Variants in MSRA observed in about 807,000 individuals in gnomAD.
MSRA encodes methionine sulfoxide reductase A, also known as mitochondrial peptide methionine sulfoxide reductase.
MSRA carries 54 observed loss-of-function variants against 31.3 expected under a neutral mutation model. The ratio of observed to expected loss-of-function variants is 1.73; its 90% CI spans 1.39 to 2.17. MSRA has a LOEUF of 2.17. MSRA is among the 30% of genes most tolerant of loss of function. The probability of loss-of-function intolerance (pLI) is 0.00; values close to 1 mark genes in which losing one functional copy is unlikely to be tolerated. For missense variants in MSRA, 507 were observed against 300.9 expected (o/e 1.69, Z -5.07); for synonymous variants, 169 against 116.5 (o/e 1.45, Z -2.90).
At chr8:10,319,746 T>C (rs1801934757) in intron 4 of MSRA, 137 bp from the exon 5 acceptor site, 1 of 441,364 alleles carries the variant, frequency 2.3e-6, no homozygotes, top group Admixed American at 4.4e-5. Context: ...AAACAGAAAA[T>C]TAAAACAAGC....
At chr8:10,114,719 C>G (rs1054715720) in intron 1 of MSRA, among the ~76,000 whole-genome samples, 2 of 151,800 alleles carry the variant, frequency 1.3e-5, no homozygotes, top group Admixed American at 6.6e-5. Flanking sequence ...ATTTGCAGGA[C>G]CAAGGAAAGC....
intron 1 of MSRA, among the ~76,000 whole-genome samples, chr8:10,173,164 A>G (rs1313978671): frequency 1.3e-5 from 2 of 152,222 alleles, no homozygotes; most frequent in African/African-American, 2.4e-5. Flanking sequence ...TTTTATTTAA[A>G]ATCTTAGTGC....
intron 3 of MSRA, among the ~76,000 whole-genome samples, chr8:10,251,871 G>GGC (rs1554505721): frequency 2.0e-5 from 3 of 151,932 alleles, no homozygotes; most frequent in African/African-American, 7.3e-5. Flanking sequence ...TGGGGGGGGG[G>GGC]GGACATAGGT....
intron 2 of MSRA, among the ~76,000 whole-genome samples, chr8:10,232,220 G>T (rs927113852): frequency 6.6e-6 from 1 of 152,190 alleles, no homozygotes. Flanking sequence ...GAAGGAACAT[G>T]CGGTAACTGC....
At chr8:10,416,849 C>G (rs1001924588) in intron 5 of MSRA, among the ~76,000 whole-genome samples, 2 of 152,234 alleles carry the variant, frequency 1.3e-5, no homozygotes, top group South Asian at 2.1e-4. Context: ...TCATTCCTTC[C>G]TCTCCTTCTC....
chr8:10,381,143 A>C (rs556627553), intron 5 of MSRA, among the ~76,000 whole-genome samples: 1 of 152,268 alleles, frequency 6.6e-6, no homozygotes, highest in African/African-American at 2.4e-5. Flanking sequence ...TGACTTCCCC[A>C]GTGGTCTCTC....
At chr8:10,160,289 TCAA>T (rs1804519939) in intron 1 of MSRA, among the ~76,000 whole-genome samples, 1 of 151,950 alleles carries the variant, frequency 6.6e-6, no homozygotes, top group Non-Finnish European at 1.5e-5. Flanking sequence ...GGTCAGGAGA[TCAA>T]AGACCATCCT....
rs116857740 is a variant in MSRA at position 10,130,605 on chromosome 8, C to T, written c.142+75947C>T. On this transcript the variant is annotated intron_variant, in intron 1 of 5. Transcript: ENST00000317173. ...ATTTCGACGGAAAAAATAATCTTGGCGTCACTATGCACACACACAGAGACC... is the reference window on the plus strand; with the variant it reads ...ATTTCGACGGAAAAAATAATCTTGGTGTCACTATGCACACACACAGAGACC... Among the ~76,000 whole-genome samples, 712 of 152,232 alleles carry T rather than the reference C, an allele frequency of 4.7e-3. 5 individuals carry two copies. Among genetic ancestry groups the T allele is most frequent in the East Asian group, 0.016 (81 of 5,188 alleles).
At chr8:10,192,124 GA>G (rs1807561976) in intron 1 of MSRA, among the ~76,000 whole-genome samples, 1 of 152,176 alleles carries the variant, frequency 6.6e-6, no homozygotes, top group Non-Finnish European at 1.5e-5. Context: ...GCCATCTAAG[GA>G]GAACAAGAGA....
intron 5 of MSRA, among the ~76,000 whole-genome samples, chr8:10,379,059 G>T (rs982426520): frequency 3.7e-4 from 56 of 152,208 alleles, no homozygotes; most frequent in African/African-American, 1.3e-3. Flanking sequence ...GTATTAGTGC[G>T]TCTTTTCCAT....
intron 1 of MSRA, among the ~76,000 whole-genome samples, chr8:10,064,625 A>G (rs1797367461): frequency 1.3e-5 from 2 of 152,246 alleles, no homozygotes; most frequent in African/African-American, 2.4e-5. Context: ...CATGTTTATA[A>G]AATGAATTCT....
intron 1 of MSRA, among the ~76,000 whole-genome samples, chr8:10,075,340 A>G (rs975276649): frequency 2.6e-5 from 4 of 152,212 alleles, no homozygotes; most frequent in African/African-American, 9.6e-5. Flanking sequence ...TCAGGCCAAT[A>G]GGTATTAATA....
chr8:10,210,054 C>G (rs182134918), intron 2 of MSRA, among the ~76,000 whole-genome samples: 65 of 152,130 alleles, frequency 4.3e-4, no homozygotes, highest in African/African-American at 1.6e-3. Flanking sequence ...TCGCCCTGGG[C>G]TAGGGTAGAG....
chr8:10,115,580 G>C (rs894511476), intron 1 of MSRA, among the ~76,000 whole-genome samples: 26 of 152,226 alleles, frequency 1.7e-4, no homozygotes, highest in African/African-American at 5.8e-4. Context: ...GAACAATGCA[G>C]TGACTCTCAG....
chr8:10,348,307 A>G (rs7830077), intron 5 of MSRA, among the ~76,000 whole-genome samples: 38,804 of 148,804 alleles, frequency 0.26, 5,284 homozygotes, highest in Non-Finnish European at 0.3. Context: ...GGCCTACACC[A>G]GCAGCATGGC....
intron 1 of MSRA, among the ~76,000 whole-genome samples, chr8:10,062,178 G>C (rs115656383): frequency 6.6e-6 from 1 of 152,190 alleles, no homozygotes; most frequent in Non-Finnish European, 1.5e-5. Context: ...TCCCAGCAGC[G>C]TGCCATCAAT....
intron 5 of MSRA, among the ~76,000 whole-genome samples, chr8:10,373,258 T>A (rs553243343): frequency 4.3e-4 from 65 of 152,322 alleles, no homozygotes; most frequent in African/African-American, 1.4e-3. Flanking sequence ...AGGTACTGTT[T>A]TTACTGACAT....
At chr8:10,240,649 C>T (rs1233382847) in intron 2 of MSRA, among the ~76,000 whole-genome samples, 2 of 152,232 alleles carry the variant, frequency 1.3e-5, no homozygotes, top group African/African-American at 4.8e-5. Flanking sequence ...AAGCCACTTG[C>T]TGCTGCCCTT....
intron 3 of MSRA, among the ~76,000 whole-genome samples, chr8:10,278,926 T>G (rs190326368): frequency 1.8e-3 from 274 of 152,330 alleles, no homozygotes; most frequent in African/African-American, 6.2e-3. Context: ...TAGGTGGTAG[T>G]CAGGACAGTT....
Sources: allele counts gnomAD v4.1 joint callset (sites outside exome capture counted in the v4.1 genomes callset), GRCh38; gene constraint gnomAD v4.1.1; transcripts MANE v1.5; gene names NCBI Gene and HGNC (gene_info 2026-07-23, HGNC 2026-07-21).